Variants in CCDC66 observed in about 807,000 individuals in gnomAD.
The protein encoded by CCDC66 is coiled-coil domain-containing protein 66.
Under a neutral mutation model 128.3 loss-of-function variants are expected in CCDC66, and 133 were observed. That is an observed-to-expected ratio of 1.04 (90% CI 0.90 to 1.20). The LOEUF (loss-of-function observed/expected upper bound fraction) is 1.20. CCDC66 is among the 50% of genes most tolerant of loss of function. The pLI is 0.00. For synonymous variants in CCDC66, 387 were observed against 357.0 expected, an observed-to-expected ratio of 1.08 and a Z score of -0.95; for missense variants, 1,126 against 1,075.5, an observed-to-expected ratio of 1.05 and a Z score of -0.66.
At chr3:56,559,519 C>G in intron 2 of CCDC66, 50 bp from the exon 3 acceptor site, 2 of 1,277,684 alleles carry the variant, frequency 1.6e-6, no homozygotes, top group Non-Finnish European at 2.2e-6. Flanking sequence ...GCATTACCAC[C>G]TTAGTATGCT....
At chr3:56,563,347 T>G (rs2065366514) in intron 3 of CCDC66, among the ~76,000 whole-genome samples, 1 of 147,818 alleles carries the variant, frequency 6.8e-6, no homozygotes, top group Non-Finnish European at 1.5e-5. Context: ...GGCAACAGAG[T>G]GAAATGCTGT....
chr3:56,567,072 T>G lies in CCDC66; in HGVS notation c.814+19T>G. On this transcript the variant is annotated intron_variant, in intron 6 of 17. Coordinates refer to ENST00000394672, the MANE Select transcript of CCDC66 (RefSeq NM_001141947.3). ...GAGCTAGGTAGGTAACTTTTATACC[T>G]TTATTATAGTTTTATTGGCTTAAAG... The G allele has an allele frequency of 6.5e-7, 1 of 1,545,454 alleles. No homozygotes were observed. Among genetic ancestry groups the G allele is most frequent in the Non-Finnish European group, 8.9e-7 (1 of 1,118,270 alleles).
chr3:56,589,674 G>A (rs1375821104), intron 7 of CCDC66, among the ~76,000 whole-genome samples: 1 of 152,174 alleles, frequency 6.6e-6, no homozygotes, highest in Admixed American at 6.5e-5. Flanking sequence ...AAAAGTAATT[G>A]ATGAATGACC....
At position 56,593,559 on chromosome 3, in the gene CCDC66, G is replaced by A. The variant is rs1034943062; in HGVS notation, c.1137G>A (p.Gln379=). 2 of 1,614,138 alleles carry A rather than the reference G, an allele frequency of 1.2e-6. No homozygotes were observed. The highest frequency in any genetic ancestry group is 1.1e-5 in the South Asian group (1 of 91,086). The part of the protein sequence containing the change: ...SLKSYPGSQS[Q]LFSQSTHKQP... ...AGAGTTATCCTGGTTCTCAATCTCA[G>A]CTGTTCTCTCAGTCAACACACAAAC... The change falls in exon 9 of 18, where the codon CAG becomes CAA. Residue 379 remains glutamine, a synonymous_variant. Coordinates refer to ENST00000394672, the MANE Select transcript of CCDC66 (RefSeq NM_001141947.3).
intron 3 of CCDC66, among the ~76,000 whole-genome samples, chr3:56,560,538 C>G (rs2064961507): frequency 6.6e-6 from 1 of 152,196 alleles, no homozygotes; most frequent in African/African-American, 2.4e-5. Flanking sequence ...CAAGGCCAGC[C>G]TGGCCAACAT....
chr3:56,566,947 TAGAG>T lies in CCDC66; in HGVS notation c.712_715del (p.Glu238MetfsTer33), dbSNP rs748594305. On this transcript the variant is annotated splice_acceptor_variant and coding_sequence_variant, in exon 6 of 18. Transcript: ENST00000394672. LOFTEE classifies it high-confidence loss of function. ...TTCTGTTATCTTTTGTGTTTTACCT[TAGAG>T]AGAATGAATGGAAACCAGCTGATAT... 3.2e-5 allele frequency: 52 copies of T among 1,610,410 alleles called. 2 individuals carry two copies. The South Asian group carries it at 4.9e-4, about 15-fold the overall frequency.
chr3:56,616,244 C>CT, intron 13 of CCDC66, 191 bp downstream of exon 13: 1 of 471,880 alleles, frequency 2.1e-6, no homozygotes, highest in Non-Finnish European at 3.7e-6. Context: ...ACAGTTTAGT[C>CT]TTTTTTGGTA....
chr3:56,577,054 C>G (rs2067495878), intron 7 of CCDC66, among the ~76,000 whole-genome samples: 1 of 151,848 alleles, frequency 6.6e-6, no homozygotes, highest in South Asian at 2.1e-4. Context: ...AAAAGTGTTC[C>G]TATTTCTCCA....
intron 10 of CCDC66, among the ~76,000 whole-genome samples, chr3:56,606,823 G>A (rs2074141496): frequency 1.3e-5 from 2 of 152,024 alleles, no homozygotes; most frequent in Non-Finnish European, 2.9e-5. Flanking sequence ...TTTGTATAAG[G>A]TGAGAGATGA....
intron 10 of CCDC66, among the ~76,000 whole-genome samples, chr3:56,606,846 A>C (rs2074144202): frequency 6.6e-6 from 1 of 151,962 alleles, no homozygotes; most frequent in South Asian, 2.1e-4. Flanking sequence ...ATCCAGTTTC[A>C]TTCTCCTATA....
chr3:56,566,973 ATAT>A lies in CCDC66; in HGVS notation c.735_737del (p.Asp245_Ile246delinsGlu). 6.2e-7 allele frequency: 1 copy of A among 1,613,978 alleles called. No homozygotes were observed. The highest frequency in any genetic ancestry group is 1.1e-5 in the South Asian group (1 of 91,068). ...AGAGAGAATGAATGGAAACCAGCTGATATATTCAGTACTCTGGGGGAAAGGGAA... is the reference window on the plus strand; with the variant it reads ...AGAGAGAATGAATGGAAACCAGCTGAATTCAGTACTCTGGGGGAAAGGGAA... On this transcript the variant is annotated inframe_deletion, in exon 6 of 18. Coordinates refer to ENST00000394672, the MANE Select transcript of CCDC66 (RefSeq NM_001141947.3).
chr3:56,615,437 T>A, intron 12 of CCDC66, 165 bp downstream of exon 12: 1 of 667,698 alleles, frequency 1.5e-6, no homozygotes, highest in Non-Finnish European at 2.4e-6. Context: ...AGACATGGAA[T>A]CTCGCTTTGT....
chr3:56,592,559 TG>T (rs1367558815), intron 7 of CCDC66, among the ~76,000 whole-genome samples: 1 of 151,788 alleles, frequency 6.6e-6, no homozygotes, highest in Non-Finnish European at 1.5e-5. Flanking sequence ...GATGAGATTT[TG>T]CCATGTTGGC....
rs1380234516 is a variant in CCDC66 at position 56,566,684 on chromosome 3, C to G, written c.635C>G (p.Ser212Cys). ...TTCAAAAAAACTGAAATGGTTTCAT[C>G]TGTCCCAGCTGAAAATAAATCTGTC... ...GLFKKTEMVS[S>C]VPAENKSVLN... The change falls in exon 5 of 18, where the codon TCT (serine) becomes TGT (cysteine). Residue 212 changes from serine to cysteine, a missense_variant. Transcript: ENST00000394672. 1 of 1,613,556 alleles carries G rather than the reference C, an allele frequency of 6.2e-7. No individual in the cohort carries two copies. Among genetic ancestry groups the G allele is most frequent in the Non-Finnish European group, 8.5e-7 (1 of 1,179,584 alleles).
At chr3:56,575,757 T>C (rs972156754) in intron 7 of CCDC66, among the ~76,000 whole-genome samples, 7 of 151,886 alleles carry the variant, frequency 4.6e-5, no homozygotes, top group South Asian at 2.1e-4. Flanking sequence ...GTTTTCTATA[T>C]GGTATAAGGT....
At chr3:56,615,459 G>C in intron 12 of CCDC66, 187 bp downstream of exon 12, 1 of 568,984 alleles carries the variant, frequency 1.8e-6, no homozygotes, top group Non-Finnish European at 2.9e-6. Context: ...GCCCAGGCTG[G>C]TCTTGCTGCC....
intron 10 of CCDC66, among the ~76,000 whole-genome samples, chr3:56,606,507 C>T (rs771816638): frequency 1.4e-4 from 21 of 151,980 alleles, no homozygotes; most frequent in Non-Finnish European, 2.5e-4. Context: ...TGGCACATCC[C>T]TCATGGATTC....
intron 11 of CCDC66, among the ~76,000 whole-genome samples, chr3:56,614,887 T>A (rs982518865): frequency 1.8e-4 from 28 of 152,190 alleles, no homozygotes; most frequent in Non-Finnish European, 1.5e-5. Context: ...CTTTGAAAAC[T>A]TTTAGTATAA....
intron 11 of CCDC66, 148 bp downstream of exon 11, chr3:56,613,898 G>A (rs1265482976): frequency 3.2e-6 from 2 of 632,124 alleles, no homozygotes; most frequent in Non-Finnish European, 5.5e-6. Flanking sequence ...TTCCACCTTG[G>A]TCTCCTCAGT....
Sources: allele counts gnomAD v4.1 joint callset (sites outside exome capture counted in the v4.1 genomes callset), GRCh38; gene constraint gnomAD v4.1.1; transcripts MANE v1.5; gene names NCBI Gene and HGNC (gene_info 2026-07-23, HGNC 2026-07-21).